ADCY10: variants seen among roughly 807,000 people sequenced by gnomAD.
ADCY10 encodes adenylate cyclase 10.
In ADCY10, 156 loss-of-function variants were observed where a neutral mutation model predicts 183.3. That is an observed-to-expected ratio of 0.85 (90% CI 0.75 to 0.97). The LOEUF is 0.97. Among genes scored for constraint, ADCY10 ranks in the 50% least tolerant of loss-of-function variants. The probability of loss-of-function intolerance (pLI) is 0.00; values close to 1 mark genes in which losing one functional copy is unlikely to be tolerated. For missense variants in ADCY10, 1,745 were observed against 1,934.3 expected (o/e 0.90, Z 1.84); for synonymous variants, 645 against 670.0 (o/e 0.96, Z 0.58).
intron 7 of ADCY10, 43 bp downstream of exon 7, chr1:167,896,552 C>T: frequency 6.8e-7 from 1 of 1,471,692 alleles, no homozygotes; most frequent in African/African-American, 1.4e-5. Flanking sequence ...ACCCTACTGA[C>T]CACTGGTAGA....
intron 12 of ADCY10, among the ~76,000 whole-genome samples, chr1:167,877,464 C>A (rs1306925882): frequency 7.2e-5 from 11 of 151,852 alleles, no homozygotes; most frequent in Non-Finnish European, 1.5e-5. Context: ...CTCTTGAAGA[C>A]CTCGATTCCA....
intron 1 of ADCY10, among the ~76,000 whole-genome samples, chr1:167,909,155 A>G (rs773346379): frequency 6.6e-5 from 10 of 152,180 alleles, no homozygotes; most frequent in Non-Finnish European, 1.5e-4. Context: ...TATAAATGAA[A>G]TCATACTACA....
chr1:167,889,451 T>TTTTTTTTTTTTTTTTTTTG (rs1553277659), intron 8 of ADCY10, among the ~76,000 whole-genome samples: 1 of 151,856 alleles, frequency 6.6e-6, no homozygotes, highest in African/African-American at 2.4e-5. Flanking sequence ...ATGATCTTTT[T>TTTTTTTTTTTTTTTTTTTG]AATATGTTGT....
intron 9 of ADCY10, among the ~76,000 whole-genome samples, chr1:167,881,858 G>A (rs564231154): frequency 1.3e-5 from 2 of 152,180 alleles, no homozygotes; most frequent in Non-Finnish European, 2.9e-5. Context: ...ATACCCATGG[G>A]TCAGTATTGA....
At chr1:167,881,884 C>T (rs1183071515) in intron 9 of ADCY10, among the ~76,000 whole-genome samples, 1 of 152,186 alleles carries the variant, frequency 6.6e-6, no homozygotes. Context: ...GTACTGGAGA[C>T]ACCAGGCTGG....
rs1319534766 is a variant in ADCY10 at position 167,824,717 on chromosome 1, A to C, written c.3889T>G (p.Tyr1297Asp). The change falls in exon 27 of 33, where the codon TAC becomes GAC. Residue 1297 changes from tyrosine (Y) to aspartate (D), a missense_variant. Coordinates refer to ENST00000367851, the MANE Select transcript of ADCY10 (RefSeq NM_018417.6). ...TTGAAGACCAGTGTCTCAGCCACGT[A>C]TGCCACGATTTCAATGCCCTCGCCT... is the stretch of plus-strand genomic sequence containing the variant. ...LKGEGIEIVA[Y>D]VAETLVFNKL... 1.2e-6 allele frequency: 2 copies of C among 1,614,110 alleles called. No homozygotes were observed. Among genetic ancestry groups the C allele is most frequent in the Non-Finnish European group, 1.7e-6 (2 of 1,180,044 alleles).
At chr1:167,887,646 G>A (rs550359555) in intron 8 of ADCY10, among the ~76,000 whole-genome samples, 19 of 151,554 alleles carry the variant, frequency 1.3e-4, no homozygotes, top group Non-Finnish European at 1.8e-4. Context: ...TATACATAAC[G>A]TAACAAACCT....
rs748499767 is a variant in ADCY10, at chr1:167,846,272, A to G, written c.2438-9T>C. On this transcript the variant is annotated splice_polypyrimidine_tract_variant and intron_variant, in intron 19 of 32. Coordinates refer to ENST00000367851, the MANE Select transcript of ADCY10 (RefSeq NM_018417.6). ...CTGGATCAGAGAGATTTCTGCAGGT[A>G]GAAGGCCACACAGTAGAAAACTAGT... The G allele has an allele frequency of 6.2e-7, 1 of 1,614,182 alleles. No individual in the cohort carries two copies. Among genetic ancestry groups the G allele is most frequent in the Non-Finnish European group, 8.5e-7 (1 of 1,179,988 alleles).
At chr1:167,872,190 T>C (rs1018189373) in intron 13 of ADCY10, among the ~76,000 whole-genome samples, 1 of 151,894 alleles carries the variant, frequency 6.6e-6, no homozygotes, top group African/African-American at 2.4e-5. Flanking sequence ...AATACAAAAT[T>C]AGCCGGGCGT....
In ADCY10 at chr1:167,896,443, G is replaced by A. The variant is rs867453106; in HGVS notation, c.739+152C>T. ...GTGTCATACTTAGAATTGCTGTCCC[G>A]GAGAATGGGAAGTAGGTCCCCTTTG... On this transcript the variant is annotated intron_variant, in intron 7 of 32. Transcript: ENST00000367851. The A allele has an allele frequency of 5.3e-5, 39 of 732,786 alleles. No homozygotes were observed. In the Middle Eastern group the frequency reaches 8.4e-4, roughly 16 times the overall value. The allele number at this position is 732,786 out of a possible 1,614,324, so 45.4% of individuals were successfully genotyped here. A position where few individuals can be genotyped will look rare whatever the true frequency, so the allele number is the denominator to read the frequency against.
chr1:167,876,251 C>G (rs1306636379), intron 12 of ADCY10, among the ~76,000 whole-genome samples: 1 of 141,014 alleles, frequency 7.1e-6, no homozygotes, highest in African/African-American at 2.6e-5. Context: ...AAGCAAAGCT[C>G]CATCTCAAAA....
intron 31 of ADCY10, among the ~76,000 whole-genome samples, chr1:167,817,151 G>T (rs149793061): frequency 0.028 from 4,287 of 152,242 alleles, 78 homozygotes; most frequent in Non-Finnish European, 0.044. Context: ...ATCACTTGAG[G>T]TCAAGAGTTC....
chr1:167,836,399 G>A lies in ADCY10; in HGVS notation c.3219C>T (p.His1073=). The change falls in exon 23 of 33, where the codon CAC becomes CAT. Residue 1073 remains histidine, a synonymous_variant. Coordinates refer to ENST00000367851, the MANE Select transcript of ADCY10 (RefSeq NM_018417.6). Reference sequence around the variant, plus strand: ...CATTTTCTCCCAAAGCCAGAAAATGGTGGGCCAGAGGCAAGATGACAATCT... The same window carrying A: ...CATTTTCTCCCAAAGCCAGAAAATGATGGGCCAGAGGCAAGATGACAATCT... ...ILEIVILPLA[H]HFLALGENDK... 2 of 1,614,128 alleles carry A rather than the reference G, an allele frequency of 1.2e-6. No homozygotes were observed. Among genetic ancestry groups the A allele is most frequent in the Admixed American group, 1.7e-5 (1 of 60,026 alleles).
intron 16 of ADCY10, among the ~76,000 whole-genome samples, chr1:167,857,443 G>A (rs994435606): frequency 1.3e-5 from 2 of 152,124 alleles, no homozygotes; most frequent in Non-Finnish European, 2.9e-5. Flanking sequence ...AGTTTGACTG[G>A]TATCTTTAAA....
At chr1:167,822,935 TGA>T in intron 29 of ADCY10, 71 bp downstream of exon 29, 2 of 1,350,670 alleles carry the variant, frequency 1.5e-6, no homozygotes, top group Non-Finnish European at 2.1e-6. Flanking sequence ...AGCCCCAACC[TGA>T]GAGCTGCCAC....
chr1:167,861,198 G>T (rs918355185), intron 14 of ADCY10, 135 bp from the exon 15 acceptor site: 37 of 756,276 alleles, frequency 4.9e-5, no homozygotes, highest in Non-Finnish European at 7.6e-5. Context: ...TCTCGCAATG[G>T]TTCTTTATTG....
In ADCY10 at chr1:167,837,231, A is replaced by G; in HGVS notation, c.3077+18T>C. 6.3e-7 allele frequency: 1 copy of G among 1,593,618 alleles called. No homozygotes were observed. The highest frequency in any genetic ancestry group is 8.6e-7 in the Non-Finnish European group (1 of 1,161,458). ...ATTATTTATGCTCTACTTCCTAAAC[A>G]ATGATATATGCCTCTACCTGCGATT... On this transcript the variant is annotated intron_variant, in intron 22 of 32. Coordinates refer to ENST00000367851, the MANE Select transcript of ADCY10 (RefSeq NM_018417.6).
intron 5 of ADCY10, among the ~76,000 whole-genome samples, chr1:167,901,080 G>A (rs1669388757): frequency 6.6e-6 from 1 of 152,160 alleles, no homozygotes; most frequent in South Asian, 2.1e-4. Context: ...TCTCAGGACT[G>A]TCATATAGTG....
intron 14 of ADCY10, among the ~76,000 whole-genome samples, chr1:167,863,619 A>C (rs1193087454): frequency 6.6e-6 from 1 of 152,188 alleles, no homozygotes; most frequent in Non-Finnish European, 1.5e-5. Context: ...CAGATGGTCG[A>C]GGCAGCTCCT....
Sources: gnomAD v4.1 joint callset for allele counts (sites outside exome capture counted in the v4.1 genomes callset) on GRCh38, gnomAD v4.1.1 for gene constraint, MANE v1.5 for transcripts, NCBI Gene and HGNC (gene_info 2026-07-23, HGNC 2026-07-21) for gene names.